Variants in NRXN3 observed in about 807,000 individuals in gnomAD.
The protein encoded by NRXN3 is neurexin 3.
A neutral mutation model predicts 137.6 loss-of-function variants in NRXN3; 32 were observed. The ratio of observed to expected loss-of-function variants is 0.23; its 90% CI spans 0.18 to 0.31. The LOEUF (loss-of-function observed/expected upper bound fraction) is 0.31, where lower values mean the gene tolerates loss of function less well. Among genes scored for constraint, NRXN3 ranks in the 10% least tolerant of loss-of-function variants. The pLI, the probability that NRXN3 is intolerant of heterozygous loss-of-function variation, is 1.00. For missense variants in NRXN3, 1,574 were observed against 2,062.5 expected (o/e 0.76, Z 4.59); for synonymous variants, 798 against 784.5 (o/e 1.02, Z -0.29).
intron 15 of NRXN3, among the ~76,000 whole-genome samples, chr14:79,245,346 G>C (rs906865025): frequency 6.6e-6 from 1 of 151,958 alleles, no homozygotes; most frequent in Non-Finnish European, 1.5e-5. Flanking sequence ...AGAATCCAGA[G>C]AGACAGGGAG....
intron 8 of NRXN3, among the ~76,000 whole-genome samples, chr14:78,801,892 A>G (rs79191994): frequency 0.021 from 3,131 of 152,142 alleles, 107 homozygotes; most frequent in African/African-American, 0.071. Flanking sequence ...CTTGCTTTGT[A>G]TTTATTTCCT....
intron 11 of NRXN3, among the ~76,000 whole-genome samples, chr14:78,962,449 T>C (rs1225340084): frequency 6.6e-6 from 1 of 152,162 alleles, no homozygotes; most frequent in Non-Finnish European, 1.5e-5. Context: ...GAGGTATGAA[T>C]ATATTTGCCC....
At chr14:79,524,844 G>T (rs1467187094) in intron 16 of NRXN3, among the ~76,000 whole-genome samples, 1 of 152,224 alleles carries the variant, frequency 6.6e-6, no homozygotes, top group Non-Finnish European at 1.5e-5. Context: ...GTGGACATCT[G>T]TGTAGAAATA....
intron 16 of NRXN3, among the ~76,000 whole-genome samples, chr14:79,482,681 G>C (rs1483189106): frequency 2.0e-5 from 3 of 151,782 alleles, no homozygotes; most frequent in Non-Finnish European, 4.4e-5. Context: ...ACTAACCTGG[G>C]GGGGAGAAAA....
intron 15 of NRXN3, among the ~76,000 whole-genome samples, chr14:79,180,496 T>G (rs190408839): frequency 6.6e-6 from 1 of 152,334 alleles, no homozygotes; most frequent in South Asian, 2.1e-4. Flanking sequence ...TAGAAACAGA[T>G]GAAGAGTGAT....
At chr14:78,774,000 C>T (rs2098737138) in intron 8 of NRXN3, among the ~76,000 whole-genome samples, 1 of 152,158 alleles carries the variant, frequency 6.6e-6, no homozygotes, top group South Asian at 2.1e-4. Context: ...CGGAGTTTCA[C>T]CACGTTGGCC....
intron 15 of NRXN3, among the ~76,000 whole-genome samples, chr14:79,113,797 T>C (rs1296004283): frequency 6.6e-6 from 1 of 152,230 alleles, no homozygotes; most frequent in Non-Finnish European, 1.5e-5. Flanking sequence ...ACTTTTTTTG[T>C]GCATCAGGAT....
chr14:78,371,287 T>A (rs986157811), intron 4 of NRXN3, among the ~76,000 whole-genome samples: 1 of 152,188 alleles, frequency 6.6e-6, no homozygotes, highest in Non-Finnish European at 1.5e-5. Context: ...CAGATAGACG[T>A]GGCTTAGCTT....
intron 15 of NRXN3, among the ~76,000 whole-genome samples, chr14:79,365,563 T>C (rs901747271): frequency 8.1e-5 from 12 of 148,824 alleles, no homozygotes; most frequent in African/African-American, 3.0e-4. Flanking sequence ...ACTAAAAATA[T>C]AAAAAATTAG....
intron 15 of NRXN3, among the ~76,000 whole-genome samples, chr14:79,185,610 C>A (rs1046912205): frequency 1.3e-5 from 2 of 151,882 alleles, no homozygotes; most frequent in Admixed American, 6.6e-5. Context: ...GGACTACAGG[C>A]GCCCGCCACC....
At chr14:78,301,694 T>A (rs899254037) in intron 4 of NRXN3, among the ~76,000 whole-genome samples, 1 of 152,204 alleles carries the variant, frequency 6.6e-6, no homozygotes, top group Non-Finnish European at 1.5e-5. Flanking sequence ...TTTTATGCCA[T>A]GAGGATGTTG....
chr14:79,721,070 A>T (rs535017603), intron 19 of NRXN3, among the ~76,000 whole-genome samples: 96 of 152,222 alleles, frequency 6.3e-4, no homozygotes, highest in African/African-American at 2.3e-3. Flanking sequence ...CTATCTCTCT[A>T]ATTAGATAGT....
intron 14 of NRXN3, among the ~76,000 whole-genome samples, chr14:78,971,151 T>C (rs1012424512): frequency 6.6e-6 from 1 of 151,924 alleles, no homozygotes; most frequent in African/African-American, 2.4e-5. Flanking sequence ...TGTAAGATGG[T>C]GGGGAGGTAA....
At chr14:78,720,172 C>T (rs955320887) in intron 8 of NRXN3, among the ~76,000 whole-genome samples, 3 of 152,022 alleles carry the variant, frequency 2.0e-5, no homozygotes, top group Non-Finnish European at 4.4e-5. Flanking sequence ...TTCTTTGCCA[C>T]GATATTAAAG....
chr14:78,748,448 G>A (rs549700095), intron 8 of NRXN3, among the ~76,000 whole-genome samples: 7 of 152,288 alleles, frequency 4.6e-5, no homozygotes, highest in African/African-American at 1.7e-4. Context: ...GTGGGGAAGG[G>A]TAGATAAAGA....
intron 2 of NRXN3, among the ~76,000 whole-genome samples, chr14:78,268,239 G>A (rs560699730): frequency 1.3e-4 from 20 of 151,856 alleles, no homozygotes; most frequent in African/African-American, 4.1e-4. Flanking sequence ...AACAAACTTG[G>A]TGTGCTCTAA....
At chr14:78,592,428 A>G (rs1047157531) in intron 4 of NRXN3, among the ~76,000 whole-genome samples, 3 of 152,180 alleles carry the variant, frequency 2.0e-5, no homozygotes, top group African/African-American at 7.2e-5. Context: ...CAAGGGTCCA[A>G]CAGAGAGGGG....
intron 16 of NRXN3, among the ~76,000 whole-genome samples, chr14:79,534,797 A>G (rs916887993): frequency 2.0e-5 from 3 of 152,190 alleles, no homozygotes; most frequent in African/African-American, 7.2e-5. Context: ...CTGGGCAAAA[A>G]CACAATTTGT....
chr14:78,639,537 G>T (rs2097598991), intron 4 of NRXN3, among the ~76,000 whole-genome samples: 1 of 152,142 alleles, frequency 6.6e-6, no homozygotes, highest in Non-Finnish European at 1.5e-5. Context: ...TCAGCTTGTT[G>T]TTGAGAATTT....
Sources: allele counts gnomAD v4.1 joint callset (sites outside exome capture counted in the v4.1 genomes callset), GRCh38; gene constraint gnomAD v4.1.1; transcripts MANE v1.5; gene names NCBI Gene and HGNC (gene_info 2026-07-23, HGNC 2026-07-21).